ATP8A2: variants seen among roughly 807,000 people sequenced by gnomAD.
ATP8A2 encodes phospholipid-transporting ATPase IB.
Under a neutral mutation model 165.6 loss-of-function variants are expected in ATP8A2, and 100 were observed. The ratio of observed to expected loss-of-function variants is 0.60; its 90% CI spans 0.51 to 0.71. The LOEUF is 0.71. Among genes scored for constraint, ATP8A2 ranks in the 30% least tolerant of loss-of-function variants. ATP8A2 has a pLI of 0.00. For missense variants in ATP8A2, 1,227 were observed against 1,479.5 expected, an observed-to-expected ratio of 0.83 and a Z score of 2.80; for synonymous variants, 543 against 548.8, an observed-to-expected ratio of 0.99 and a Z score of 0.15.
intron 28 of ATP8A2, among the ~76,000 whole-genome samples, chr13:25,835,193 A>G (rs536283595): frequency 6.6e-6 from 1 of 152,262 alleles, no homozygotes; most frequent in Non-Finnish European, 1.5e-5. Flanking sequence ...TGGAGGTGAG[A>G]GTATGTACTA....
intron 1 of ATP8A2, among the ~76,000 whole-genome samples, chr13:25,456,111 C>T (rs745756477): frequency 1.6e-4 from 25 of 152,168 alleles, no homozygotes; most frequent in Non-Finnish European, 3.2e-4. Flanking sequence ...TCTCACTGCA[C>T]GGGATGTTCT....
At chr13:25,616,057 C>T (rs1451866193) in intron 24 of ATP8A2, among the ~76,000 whole-genome samples, 1 of 152,064 alleles carries the variant, frequency 6.6e-6, no homozygotes, top group Non-Finnish European at 1.5e-5. Flanking sequence ...TTAGTCCTGC[C>T]TCCTGTCTGT....
At position 25,792,612 on chromosome 13, in the gene ATP8A2, G is replaced by A. The variant is rs370893025; in HGVS notation, c.2679+17653G>A. 7.8e-4 allele frequency among the ~76,000 whole-genome samples: 119 copies of A among 152,174 alleles called. 1 individual carries two copies. Among genetic ancestry groups the A allele is most frequent in the South Asian group, 3.1e-3 (15 of 4,826 alleles). ...GGGAATTTATGATCTAGTTAGAAGGGTTAGGAAATACTTTGGGCCCAGACA... is the reference window on the plus strand; with the variant it reads ...GGGAATTTATGATCTAGTTAGAAGGATTAGGAAATACTTTGGGCCCAGACA... On this transcript the variant is annotated intron_variant, in intron 27 of 36. Coordinates refer to ENST00000381655, the MANE Select transcript of ATP8A2 (RefSeq NM_016529.6).
intron 10 of ATP8A2, among the ~76,000 whole-genome samples, chr13:25,546,227 T>G (rs1410191556): frequency 6.6e-6 from 1 of 152,194 alleles, no homozygotes; most frequent in Non-Finnish European, 1.5e-5. Context: ...AGTTTGCATT[T>G]TGTGAGTGTG....
At chr13:25,379,302 A>T (rs2032751846) in intron 1 of ATP8A2, among the ~76,000 whole-genome samples, 1 of 152,206 alleles carries the variant, frequency 6.6e-6, no homozygotes, top group African/African-American at 2.4e-5. Context: ...TAAGCACATT[A>T]TGGAGACTGA....
chr13:25,788,056 A>G lies in ATP8A2; in HGVS notation c.2679+13097A>G, dbSNP rs138873077. On this transcript the variant is annotated intron_variant, in intron 27 of 36. Coordinates refer to ENST00000381655, the MANE Select transcript of ATP8A2 (RefSeq NM_016529.6). ...GTGCCTGCCGCTAGCAGAGAGCAGC[A>G]TGGTTACAGGTGAGGCCCCGCACCC... 1.3e-3 allele frequency among the ~76,000 whole-genome samples: 202 copies of G among 152,300 alleles called. 1 individual carries two copies. The highest frequency in any genetic ancestry group is 4.6e-3 in the African/African-American group (191 of 41,578).
intron 2 of ATP8A2, among the ~76,000 whole-genome samples, chr13:25,514,621 T>C (rs1425141214): frequency 6.6e-6 from 1 of 152,220 alleles, no homozygotes; most frequent in East Asian, 1.9e-4. Flanking sequence ...AGAGGAACCA[T>C]GTTTCTTTTA....
intron 25 of ATP8A2, among the ~76,000 whole-genome samples, chr13:25,732,838 C>T (rs1300315884): frequency 6.6e-6 from 1 of 151,646 alleles, no homozygotes; most frequent in Non-Finnish European, 1.5e-5. Context: ...TTTTTTGTCC[C>T]ACAGGTGTGA....
chr13:25,596,177 C>T (rs564555132), intron 24 of ATP8A2, among the ~76,000 whole-genome samples: 2 of 152,262 alleles, frequency 1.3e-5, no homozygotes, highest in Admixed American at 6.5e-5. Flanking sequence ...GCTGACCTAT[C>T]CTTAATCTTG....
At chr13:25,905,340 T>C (rs1173699806) in intron 33 of ATP8A2, among the ~76,000 whole-genome samples, 1 of 152,202 alleles carries the variant, frequency 6.6e-6, no homozygotes, top group African/African-American at 2.4e-5. Context: ...CCGAATTTAG[T>C]TTCCTATTAT....
At chr13:25,592,028 G>T (rs898694686) in intron 24 of ATP8A2, among the ~76,000 whole-genome samples, 1,461 of 145,464 alleles carry the variant, frequency 0.01, 22 homozygotes, top group African/African-American at 0.035. Context: ...GCCAACACTG[G>T]TTTTTTTTTT....
At chr13:25,620,732 T>C (rs1346674984) in intron 24 of ATP8A2, among the ~76,000 whole-genome samples, 1 of 152,194 alleles carries the variant, frequency 6.6e-6, no homozygotes, top group Non-Finnish European at 1.5e-5. Flanking sequence ...GATAGAAATA[T>C]GAAATTAAGA....
intron 33 of ATP8A2, among the ~76,000 whole-genome samples, chr13:25,932,602 A>G (rs989969517): frequency 1.3e-5 from 2 of 152,184 alleles, no homozygotes; most frequent in African/African-American, 4.8e-5. Flanking sequence ...ACTGCAGGGG[A>G]GCCAAAGTAA....
chr13:25,558,651 C>G (rs2039052982), intron 13 of ATP8A2, among the ~76,000 whole-genome samples: 1 of 152,106 alleles, frequency 6.6e-6, no homozygotes, highest in Non-Finnish European at 1.5e-5. Flanking sequence ...CTCTCCCTCA[C>G]TAATCCATGA....
chr13:25,694,127 G>A (rs1535563), intron 24 of ATP8A2, among the ~76,000 whole-genome samples: 55,018 of 152,048 alleles, frequency 0.36, 10,807 homozygotes, highest in Middle Eastern at 0.46. Flanking sequence ...GAAGAACCAT[G>A]TATTGGCATC....
intron 30 of ATP8A2, among the ~76,000 whole-genome samples, chr13:25,851,945 C>CA (rs752938496): frequency 4.6e-5 from 7 of 152,146 alleles, no homozygotes; most frequent in Non-Finnish European, 7.3e-5. Context: ...TGGGCTCAAG[C>CA]AACCGTCCTG....
chr13:25,507,603 G>A (rs748541580), intron 2 of ATP8A2, among the ~76,000 whole-genome samples: 5 of 152,160 alleles, frequency 3.3e-5, no homozygotes, highest in African/African-American at 1.2e-4. Context: ...CTATGTGTCA[G>A]GATGAAGACA....
intron 2 of ATP8A2, among the ~76,000 whole-genome samples, chr13:25,513,051 G>GC (rs1566204239): frequency 6.7e-6 from 1 of 149,372 alleles, no homozygotes; most frequent in African/African-American, 2.5e-5. Flanking sequence ...GGCTGGCCTG[G>GC]CGGGGGCTGA....
intron 24 of ATP8A2, among the ~76,000 whole-genome samples, chr13:25,667,367 A>T (rs2042176046): frequency 6.6e-6 from 1 of 152,052 alleles, no homozygotes; most frequent in African/African-American, 2.4e-5. Context: ...TCCTTCATGA[A>T]TGTCTTGGTA....
Sources: allele counts gnomAD v4.1 joint callset (sites outside exome capture counted in the v4.1 genomes callset), GRCh38; gene constraint gnomAD v4.1.1; transcripts MANE v1.5; gene names NCBI Gene and HGNC (gene_info 2026-07-23, HGNC 2026-07-21).